GRIN2B: variants seen among roughly 807,000 people sequenced by gnomAD.
GRIN2B encodes glutamate ionotropic receptor NMDA type subunit 2B.
GRIN2B carries 5 observed loss-of-function variants against 114.5 expected under a neutral mutation model. That is an observed-to-expected ratio of 0.04 (90% confidence interval 0.02 to 0.09). GRIN2B has a LOEUF of 0.09. GRIN2B is among the 10% of genes least tolerant of loss of function. The probability of loss-of-function intolerance (pLI) is 1.00; values close to 1 mark genes in which losing one functional copy is unlikely to be tolerated. For synonymous variants in GRIN2B, 787 were observed against 745.1 expected, an observed-to-expected ratio of 1.06 and a Z score of -0.92; for missense variants, 1,108 against 1,943.5, an observed-to-expected ratio of 0.57 and a Z score of 8.08.
chr12:13,686,818 A>C (rs1175121379), intron 4 of GRIN2B, among the ~76,000 whole-genome samples: 1 of 152,150 alleles, frequency 6.6e-6, no homozygotes, highest in Non-Finnish European at 1.5e-5. Context: ...CCAAGCAAGG[A>C]TGTGTGTCCC....
intron 10 of GRIN2B, among the ~76,000 whole-genome samples, chr12:13,597,146 G>GATCA (rs1174730247): frequency 2.0e-5 from 3 of 152,206 alleles, no homozygotes; most frequent in African/African-American, 7.2e-5. Flanking sequence ...TAATAATGGT[G>GATCA]ATCTCAAAGG....
chr12:13,735,632 C>A (rs1237287139), intron 4 of GRIN2B, among the ~76,000 whole-genome samples: 1 of 152,156 alleles, frequency 6.6e-6, no homozygotes, highest in African/African-American at 2.4e-5. Context: ...TCAGAATGGG[C>A]CAATGCAATG....
intron 3 of GRIN2B, among the ~76,000 whole-genome samples, chr12:13,853,193 A>T (rs893021028): frequency 6.6e-6 from 1 of 152,172 alleles, no homozygotes; most frequent in Non-Finnish European, 1.5e-5. Flanking sequence ...CACTATCCAA[A>T]ATAATACTGT....
At chr12:13,847,823 G>A (rs1865495034) in intron 3 of GRIN2B, among the ~76,000 whole-genome samples, 1 of 152,138 alleles carries the variant, frequency 6.6e-6, no homozygotes, top group Non-Finnish European at 1.5e-5. Context: ...GGTTCTTAGT[G>A]CAGAAAGTAG....
chr12:13,878,249 C>T (rs1337287705), intron 2 of GRIN2B, among the ~76,000 whole-genome samples: 2 of 152,140 alleles, frequency 1.3e-5, no homozygotes, highest in Admixed American at 6.5e-5. Context: ...TCGACTCCCC[C>T]GACCCACTTC....
intron 3 of GRIN2B, among the ~76,000 whole-genome samples, chr12:13,782,011 G>A (rs1864124420): frequency 6.6e-6 from 1 of 152,146 alleles, no homozygotes; most frequent in Non-Finnish European, 1.5e-5. Context: ...CCATCACAGA[G>A]TATGTGTGTG....
chr12:13,646,758 G>C (rs1267780019), intron 5 of GRIN2B, among the ~76,000 whole-genome samples: 1 of 151,660 alleles, frequency 6.6e-6, no homozygotes, highest in South Asian at 2.1e-4. Flanking sequence ...CAAACTCCTG[G>C]GCTCAGACTA....
intron 3 of GRIN2B, among the ~76,000 whole-genome samples, chr12:13,800,477 A>T (rs975962567): frequency 6.6e-6 from 1 of 152,206 alleles, no homozygotes; most frequent in African/African-American, 2.4e-5. Context: ...CTTCATAGTT[A>T]TTAATGTCTC....
intron 2 of GRIN2B, among the ~76,000 whole-genome samples, chr12:13,931,184 T>C (rs1485433437): frequency 6.6e-6 from 1 of 152,212 alleles, no homozygotes; most frequent in East Asian, 1.9e-4. Context: ...GTGGCATTTA[T>C]TTCCTAATAC....
In GRIN2B at chr12:13,648,418, A is replaced by G. The variant is rs112567668; in HGVS notation, c.1125+27327T>C. 1.6e-4 allele frequency among the ~76,000 whole-genome samples: 25 copies of G among 152,114 alleles called. 1 individual carries two copies. The highest frequency in any genetic ancestry group is 3.4e-3 in the Middle Eastern group (1 of 294). ...GGAATTAGCCTCTTTGGAGCAAGCA[A>G]TGATGAAGGGCACAGCTGGCACTGG... On this transcript the variant is annotated intron_variant, in intron 5 of 13. Transcript: ENST00000609686.
rs1054154105 is a variant in GRIN2B at position 13,558,445 on chromosome 12, A to C, written c.*4338T>G. On this transcript the variant is annotated 3_prime_UTR_variant, in exon 14 of 14. Transcript: ENST00000609686. ...AAACAATCTGGTTATTCTATCTGTA[A>C]ATCTTGAACTAACTAACTAAAAACC... 3.4e-5 allele frequency: 5 copies of C among 149,150 alleles called. No homozygotes were observed. Among genetic ancestry groups the C allele is most frequent in the African/African-American group, 1.2e-4 (5 of 40,260 alleles). The allele number at this position is 149,150 out of a possible 1,614,324, so 9.2% of individuals were successfully genotyped here.
rs76288839 is a variant in GRIN2B, at chr12:13,848,565, T to C, written c.411+17233A>G. On this transcript the variant is annotated intron_variant, in intron 3 of 13. Coordinates refer to ENST00000609686, the MANE Select transcript of GRIN2B (RefSeq NM_000834.5). ...AAAAGTAGATTCTTTTCCAATTGCA[T>C]AACTTTTCCCTGAACTGACCATCAA... Among the ~76,000 whole-genome samples the C allele has an allele frequency of 2.0e-3, 300 of 152,288 alleles. 7 individuals are homozygous for C. The East Asian group carries it at 0.05, about 25-fold the overall frequency.
At chr12:13,624,636 C>T (rs903474442) in intron 5 of GRIN2B, among the ~76,000 whole-genome samples, 4 of 152,352 alleles carry the variant, frequency 2.6e-5, no homozygotes, top group South Asian at 4.1e-4. Flanking sequence ...CCTATGACTG[C>T]CTCTTCACTT....
At chr12:13,808,007 C>A (rs178325) in intron 3 of GRIN2B, among the ~76,000 whole-genome samples, 1,655 of 152,192 alleles carry the variant, frequency 0.011, 28 homozygotes, top group African/African-American at 0.037. Context: ...ATGACATTAC[C>A]CACTGTAAAG....
intron 2 of GRIN2B, among the ~76,000 whole-genome samples, chr12:13,896,316 C>T (rs555564711): frequency 6.6e-6 from 1 of 152,138 alleles, no homozygotes; most frequent in East Asian, 1.9e-4. Flanking sequence ...ATGACAAGTC[C>T]ACGGAGGATT....
Position 13,557,408 on chromosome 12 carries a change from T to G in GRIN2B, c.*5375A>C, listed in dbSNP as rs964597834. ...ATAGGATATAGACCAACTCAGCTAA[T>G]TGGAAGATTAATTAAACTGGGACAG... On this transcript the variant is annotated 3_prime_UTR_variant, in exon 14 of 14. Coordinates refer to ENST00000609686, the MANE Select transcript of GRIN2B (RefSeq NM_000834.5). 2 of 152,172 alleles carry G rather than the reference T, an allele frequency of 1.3e-5. No homozygotes were observed. The highest frequency in any genetic ancestry group is 6.5e-5 in the Admixed American group (1 of 15,286). The allele number at this position is 152,172 out of a possible 1,614,324, so 9.4% of individuals were successfully genotyped here.
At chr12:13,975,708 A>G (rs1244568866) in intron 2 of GRIN2B, among the ~76,000 whole-genome samples, 1 of 152,244 alleles carries the variant, frequency 6.6e-6, no homozygotes, top group East Asian at 1.9e-4. Flanking sequence ...TACGCTAAGT[A>G]CAAATGATTC....
At chr12:13,865,646 G>A (rs74776542) in intron 3 of GRIN2B, 152 bp downstream of exon 3, 34 of 742,770 alleles carry the variant, frequency 4.6e-5, no homozygotes, top group African/African-American at 2.4e-4. Flanking sequence ...GAGAGAGAGA[G>A]AAAAAAAAAG....
At chr12:13,689,272 G>T (rs2284407) in intron 4 of GRIN2B, among the ~76,000 whole-genome samples, 53,751 of 151,872 alleles carry the variant, frequency 0.35, 10,932 homozygotes, top group East Asian at 0.8. Flanking sequence ...CTTTATCTTT[G>T]CTCTCAAAAT....
Sources: gnomAD v4.1 joint callset for allele counts (sites outside exome capture counted in the v4.1 genomes callset) on GRCh38, gnomAD v4.1.1 for gene constraint, MANE v1.5 for transcripts, NCBI Gene and HGNC (gene_info 2026-07-23, HGNC 2026-07-21) for gene names.